The following CLNK variants were observed in gnomAD, a reference collection of about 807,000 sequenced individuals.
CLNK encodes the protein cytokine dependent hematopoietic cell linker.
Under a neutral mutation model 68.6 loss-of-function variants are expected in CLNK, and 74 were observed. That is an observed-to-expected ratio of 1.08 (90% confidence interval 0.89 to 1.31). The LOEUF (loss-of-function observed/expected upper bound fraction) is 1.31. CLNK is among the 50% of genes most tolerant of loss of function. CLNK has a pLI of 0.00. For missense variants in CLNK, 553 were observed against 515.3 expected, an observed-to-expected ratio of 1.07 and a Z score of -0.71; for synonymous variants, 198 against 172.2, an observed-to-expected ratio of 1.15 and a Z score of -1.17.
At chr4:10,513,965 G>A (rs1478782877) in intron 15 of CLNK, among the ~76,000 whole-genome samples, 2 of 137,276 alleles carry the variant, frequency 1.5e-5, no homozygotes, top group Non-Finnish European at 3.1e-5. Flanking sequence ...CCACTAACTC[G>A]TCATCTAGCA....
At chr4:10,598,584 A>G (rs143138595) in intron 2 of CLNK, 289 of 348,198 alleles carry the variant, frequency 8.3e-4, no homozygotes, top group African/African-American at 6.0e-3. Flanking sequence ...GATTCAAGTA[A>G]TATTTATTGA....
At chr4:10,584,040 G>A (rs1283107794) in intron 4 of CLNK, among the ~76,000 whole-genome samples, 1 of 152,180 alleles carries the variant, frequency 6.6e-6, no homozygotes, top group Non-Finnish European at 1.5e-5. Context: ...ACACAATTTG[G>A]TATCATCTAC....
At chr4:10,590,022 C>A (rs1577150835) in intron 3 of CLNK, among the ~76,000 whole-genome samples, 1 of 152,288 alleles carries the variant, frequency 6.6e-6, no homozygotes, top group Admixed American at 6.5e-5. Flanking sequence ...CTGCTCCCCT[C>A]CACATTTGGG....
the CLNK span, among the ~76,000 whole-genome samples, chr4:10,713,587 C>G: frequency 2.0e-5 from 3 of 151,968 alleles, no homozygotes; most frequent in African/African-American, 7.3e-5. Context: ...TTTTGTCCCC[C>G]CAAAATCTCA....
At chr4:10,698,005 C>T in the CLNK span, among the ~76,000 whole-genome samples, 13,693 of 152,126 alleles carry the variant, frequency 0.09, 747 homozygotes, top group East Asian at 0.18. Context: ...AAGTGCTGAC[C>T]GTTTTGTGTT....
At chr4:10,508,839 G>C (rs540946237) in intron 16 of CLNK, among the ~76,000 whole-genome samples, 87 of 130,860 alleles carry the variant, frequency 6.6e-4, no homozygotes, top group African/African-American at 2.0e-3. Flanking sequence ...TGGGTGTGGT[G>C]GCTCAATGCC....
At chr4:10,530,364 C>T (rs1416237029) in intron 12 of CLNK, among the ~76,000 whole-genome samples, 1 of 152,172 alleles carries the variant, frequency 6.6e-6, no homozygotes, top group Non-Finnish European at 1.5e-5. Context: ...TTCTAGTCCA[C>T]AAGACAGTGT....
intron 2 of CLNK, among the ~76,000 whole-genome samples, chr4:10,627,220 CTG>C (rs1722710022): frequency 6.6e-6 from 1 of 152,146 alleles, no homozygotes; most frequent in Admixed American, 6.5e-5. Flanking sequence ...TAGCTACAGA[CTG>C]TGGAGGTGGA....
At chr4:10,505,149 G>C (rs1717239722) in intron 17 of CLNK, among the ~76,000 whole-genome samples, 1 of 152,194 alleles carries the variant, frequency 6.6e-6, no homozygotes. Context: ...GCCAGGGTTG[G>C]AATCTACCAT....
the CLNK span, among the ~76,000 whole-genome samples, chr4:10,717,485 C>T: frequency 2.0e-5 from 3 of 152,120 alleles, no homozygotes; most frequent in African/African-American, 7.2e-5. Flanking sequence ...AATTCCAGCT[C>T]CTCGGGAGGC....
chr4:10,546,427 C>G (rs1190896369), intron 8 of CLNK, among the ~76,000 whole-genome samples: 1 of 152,154 alleles, frequency 6.6e-6, no homozygotes, highest in African/African-American at 2.4e-5. Flanking sequence ...AAGTTCTTTG[C>G]CAATTTATAA....
At chr4:10,676,738 G>A (rs1724890487) in intron 1 of CLNK, among the ~76,000 whole-genome samples, 1 of 151,900 alleles carries the variant, frequency 6.6e-6, no homozygotes, top group Admixed American at 6.6e-5. Context: ...GTGGTGAATA[G>A]ACTTTTTATC....
chr4:10,696,451 T>G, the CLNK span, among the ~76,000 whole-genome samples: 1 of 152,164 alleles, frequency 6.6e-6, no homozygotes, highest in Non-Finnish European at 1.5e-5. Flanking sequence ...ATGAGATGCT[T>G]TAGGGCTTGC....
At chr4:10,494,419 A>G (rs941976316) in intron 18 of CLNK, among the ~76,000 whole-genome samples, 1 of 151,974 alleles carries the variant, frequency 6.6e-6, no homozygotes, top group Non-Finnish European at 1.5e-5. Flanking sequence ...AACAGGTAGT[A>G]GGCAGCAAGA....
intron 2 of CLNK, among the ~76,000 whole-genome samples, chr4:10,628,020 G>A (rs564338179): frequency 1.3e-5 from 2 of 152,308 alleles, no homozygotes; most frequent in African/African-American, 2.4e-5. Flanking sequence ...TAGTGAGACC[G>A]CCACCTCTCA....
intron 15 of CLNK, among the ~76,000 whole-genome samples, chr4:10,516,454 C>T (rs567890765): frequency 1.2e-4 from 18 of 151,980 alleles, no homozygotes; most frequent in East Asian, 7.7e-4. Flanking sequence ...ATTATATAGG[C>T]GCTAATCAAA....
intron 2 of CLNK, among the ~76,000 whole-genome samples, chr4:10,655,439 G>A (rs948864094): frequency 1.3e-5 from 2 of 151,358 alleles, no homozygotes; most frequent in Non-Finnish European, 2.9e-5. Flanking sequence ...AAGAGCCAAC[G>A]TCCTGCTGAA....
the CLNK span, among the ~76,000 whole-genome samples, chr4:10,721,660 A>C: frequency 6.6e-6 from 1 of 152,248 alleles, no homozygotes; most frequent in African/African-American, 2.4e-5. Flanking sequence ...AAACTTATTA[A>C]TTCACTTGTT....
the CLNK span, among the ~76,000 whole-genome samples, chr4:10,699,252 C>T: frequency 1.3e-4 from 8 of 60,004 alleles, 2 homozygotes; most frequent in African/African-American, 2.1e-4. Context: ...ATACACACCA[C>T]GTATGTGTGT....
Sources: gnomAD v4.1 joint callset for allele counts (sites outside exome capture counted in the v4.1 genomes callset) on GRCh38, gnomAD v4.1.1 for gene constraint, MANE v1.5 for transcripts, NCBI Gene and HGNC (gene_info 2026-07-23, HGNC 2026-07-21) for gene names.